The following FOXN3 variants were observed in gnomAD, a reference collection of about 807,000 sequenced individuals.
FOXN3 encodes the protein forkhead box protein N3.
In FOXN3, 7 loss-of-function variants were observed where a neutral mutation model predicts 38.4. The observed-to-expected ratio is 0.18, with a 90% CI of 0.10 to 0.34. The LOEUF is 0.34. FOXN3 is among the 10% of genes least tolerant of loss of function. The pLI is 1.00. For synonymous variants in FOXN3, 230 were observed against 242.2 expected (o/e 0.95, Z 0.47); for missense variants, 456 against 613.4 (o/e 0.74, Z 2.71).
At chr14:89,440,289 T>G (rs1170776531) in intron 1 of FOXN3, among the ~76,000 whole-genome samples, 3 of 152,160 alleles carry the variant, frequency 2.0e-5, no homozygotes, top group Non-Finnish European at 4.4e-5. Flanking sequence ...AGCAGCCTCC[T>G]GGTAACCTTT....
chr14:89,449,100 A>C (rs1185812884), intron 1 of FOXN3, among the ~76,000 whole-genome samples: 2 of 152,238 alleles, frequency 1.3e-5, no homozygotes, highest in African/African-American at 4.8e-5. Flanking sequence ...TTTACAAGGA[A>C]TTAAAGCACA....
intron 2 of FOXN3, among the ~76,000 whole-genome samples, chr14:89,396,672 G>A (rs571870395): frequency 1.3e-5 from 2 of 151,962 alleles, no homozygotes; most frequent in East Asian, 3.9e-4. Flanking sequence ...TCTCTACTAA[G>A]AATACAAAAA....
chr14:89,582,052 G>A (rs1047524035), intron 1 of FOXN3, among the ~76,000 whole-genome samples: 4 of 152,154 alleles, frequency 2.6e-5, no homozygotes, highest in Non-Finnish European at 4.4e-5. Flanking sequence ...CAGGTCTTCT[G>A]CAGCAGTGAG....
intron 3 of FOXN3, among the ~76,000 whole-genome samples, chr14:89,300,862 T>C (rs976319638): frequency 1.1e-4 from 16 of 152,228 alleles, no homozygotes; most frequent in Admixed American, 6.5e-5. Context: ...AGTGGCACAA[T>C]CTCGGCTCAC....
intron 2 of FOXN3, among the ~76,000 whole-genome samples, chr14:89,359,927 G>A (rs983062334): frequency 6.6e-6 from 1 of 152,178 alleles, no homozygotes; most frequent in Non-Finnish European, 1.5e-5. Context: ...GTGGGAACTG[G>A]AGCGGATATG....
intron 1 of FOXN3, among the ~76,000 whole-genome samples, chr14:89,528,873 G>A (rs1352808633): frequency 2.6e-5 from 4 of 152,170 alleles, no homozygotes; most frequent in Non-Finnish European, 5.9e-5. Flanking sequence ...GGGGAGGAAT[G>A]AAAGGAGAGA....
At chr14:89,591,136 C>T (rs1469250500) in intron 1 of FOXN3, among the ~76,000 whole-genome samples, 1 of 152,190 alleles carries the variant, frequency 6.6e-6, no homozygotes, top group Non-Finnish European at 1.5e-5. Context: ...GGAGTGTCGG[C>T]TGTGACCTTT....
At chr14:89,193,479 G>A (rs998406197) in intron 4 of FOXN3, among the ~76,000 whole-genome samples, 2 of 152,056 alleles carry the variant, frequency 1.3e-5, no homozygotes, top group African/African-American at 2.4e-5. Context: ...CATTCCCAAG[G>A]CACACTTGTG....
rs1566680813 is a variant in FOXN3, at chr14:89,511,146, TTTCTTTCTTTCTTTCTTTCTTTC to T, written c.-14-98679_-14-98657del. On this transcript the variant is annotated intron_variant, in intron 1 of 6. Coordinates refer to the FOXN3 transcript ENST00000345097. ...TGTCTTTCTTTCTTTCTTTCTTTTC[TTTCTTTCTTTCTTTCTTTCTTTC>T]TTTCTTTCTTTCTTTCTTTCTTTTC... Among the ~76,000 whole-genome samples the T allele has an allele frequency of 6.9e-5, 3 of 43,634 alleles. 1 individual carries two copies. Among genetic ancestry groups the T allele is most frequent in the Non-Finnish European group, 1.5e-4 (3 of 19,974 alleles). 28.6% of individuals were successfully genotyped at this position (43,634 alleles called of 152,430 possible).
At chr14:89,258,604 C>A (rs1160425196) in intron 4 of FOXN3, among the ~76,000 whole-genome samples, 1 of 152,188 alleles carries the variant, frequency 6.6e-6, no homozygotes, top group African/African-American at 2.4e-5. Context: ...CAGAAAACAC[C>A]TACATCTTAT....
chr14:89,480,163 T>C (rs2139758857), intron 1 of FOXN3, among the ~76,000 whole-genome samples: 1 of 152,272 alleles, frequency 6.6e-6, no homozygotes, highest in East Asian at 1.9e-4. Context: ...GATTCTAGCC[T>C]CTTAAGAGGC....
intron 5 of FOXN3, among the ~76,000 whole-genome samples, chr14:89,171,293 TAAA>T (rs796657357): frequency 7.3e-4 from 111 of 152,274 alleles, no homozygotes; most frequent in African/African-American, 2.6e-3. Context: ...AATCAATAGT[TAAA>T]AATCATCCCA....
chr14:89,493,413 C>T (rs765466351), intron 1 of FOXN3, among the ~76,000 whole-genome samples: 9 of 152,058 alleles, frequency 5.9e-5, no homozygotes, highest in Non-Finnish European at 1.0e-4. Flanking sequence ...AACACTCCTC[C>T]GAAATTACTG....
At chr14:89,325,266 C>G (rs1189795071) in intron 3 of FOXN3, among the ~76,000 whole-genome samples, 1 of 147,914 alleles carries the variant, frequency 6.8e-6, no homozygotes, top group African/African-American at 2.5e-5. Context: ...CCACCACCAC[C>G]ATCACCAACA....
At chr14:89,170,887 GA>G (rs1887371856) in intron 5 of FOXN3, among the ~76,000 whole-genome samples, 1 of 151,844 alleles carries the variant, frequency 6.6e-6, no homozygotes, top group Non-Finnish European at 1.5e-5. Flanking sequence ...GTAGGGTGAG[GA>G]AAATTATAAC....
rs749273828 is a variant in FOXN3 at position 89,164,055 on chromosome 14, C to T, written c.852-1086G>A. 5.1e-4 allele frequency among the ~76,000 whole-genome samples: 77 copies of T among 152,322 alleles called. No homozygotes were observed. The highest frequency in any genetic ancestry group is 9.1e-4 in the Non-Finnish European group (62 of 68,034). Reference sequence around the variant, plus strand: ...GGGAATAGTAACTACACCTGCTCCCCGTGGGTGTGGGGCTGAGGACACGAA... The same window carrying T: ...GGGAATAGTAACTACACCTGCTCCCTGTGGGTGTGGGGCTGAGGACACGAA... On this transcript the variant is annotated intron_variant, in intron 5 of 5. Transcript: ENST00000557258. The surrounding 1 kb of genome is among the most constrained non-coding windows in gnomAD (Gnocchi z 4.3).
intron 3 of FOXN3, among the ~76,000 whole-genome samples, chr14:89,302,162 C>A (rs1887237311): frequency 6.6e-6 from 1 of 152,186 alleles, no homozygotes; most frequent in Non-Finnish European, 1.5e-5. Context: ...TACCTAATAC[C>A]CATTCGATGC....
intron 4 of FOXN3, among the ~76,000 whole-genome samples, chr14:89,234,441 C>T (rs139999197): frequency 6.6e-6 from 1 of 152,206 alleles, no homozygotes; most frequent in African/African-American, 2.4e-5. Flanking sequence ...GAGTCTCCAC[C>T]CAAATCTCAT....
intron 4 of FOXN3, among the ~76,000 whole-genome samples, chr14:89,234,616 CCTCTCTCTCT>C (rs34492323): frequency 1.3e-5 from 2 of 148,332 alleles, no homozygotes; most frequent in African/African-American, 2.5e-5. Context: ...TATGTGGCAT[CCTCTCTCTCT>C]CTCTCTCTCT....
Sources: gnomAD v4.1 joint callset for allele counts (sites outside exome capture counted in the v4.1 genomes callset) on GRCh38, gnomAD v4.1.1 for gene constraint, Gnocchi (gnomAD v3.1) non-coding constraint, MANE v1.5 for transcripts, NCBI Gene and HGNC (gene_info 2026-07-23, HGNC 2026-07-21) for gene names.